LCP1: variants seen among roughly 807,000 people sequenced by gnomAD.
The protein encoded by LCP1 is lymphocyte cytosolic protein 1, also known as plastin-2.
LCP1 carries 23 observed loss-of-function variants against 72.0 expected under a neutral mutation model. The observed-to-expected ratio is 0.32, with a 90% CI of 0.23 to 0.45. LCP1 has a LOEUF of 0.45. Ranked by LOEUF, LCP1 falls within the 20% of genes least tolerant of loss-of-function variation. LCP1 has a pLI of 1.00. For synonymous variants in LCP1, 245 were observed against 275.4 expected (o/e 0.89, Z 1.09); for missense variants, 571 against 748.3 (o/e 0.76, Z 2.76).
intron 13 of LCP1, among the ~76,000 whole-genome samples, chr13:46,136,364 C>A (rs1314882936): frequency 6.6e-6 from 1 of 152,128 alleles, no homozygotes; most frequent in Non-Finnish European, 1.5e-5. Context: ...CATTGGTATC[C>A]ACCGTGTGCC....
intron 6 of LCP1, among the ~76,000 whole-genome samples, 156 bp downstream of exon 6, chr13:46,154,649 A>G (rs777593976): frequency 6.6e-6 from 1 of 152,180 alleles, no homozygotes; most frequent in Non-Finnish European, 1.5e-5. Context: ...GCTGCTCAGA[A>G]ATGTATCCCT....
chr13:46,180,172 C>A (rs768310776), intron 1 of LCP1, among the ~76,000 whole-genome samples: 13 of 152,174 alleles, frequency 8.5e-5, no homozygotes, highest in Non-Finnish European at 1.0e-4. Flanking sequence ...TACTGCCCCC[C>A]ACCCCAACTG....
chr13:46,147,635 G>A (rs973954621), intron 9 of LCP1, among the ~76,000 whole-genome samples: 3 of 152,096 alleles, frequency 2.0e-5, no homozygotes, highest in African/African-American at 7.2e-5. Flanking sequence ...GTTAACCTAT[G>A]TATTATTATT....
chr13:46,176,902 T>TGTGA (rs35450261), intron 1 of LCP1, among the ~76,000 whole-genome samples: 2,120 of 150,850 alleles, frequency 0.014, 41 homozygotes, highest in East Asian at 0.063. Context: ...TGTGTGTGTG[T>TGTGA]GAGAGAGCGA....
At chr13:46,162,600 T>C (rs924939202) in intron 1 of LCP1, among the ~76,000 whole-genome samples, 2 of 152,216 alleles carry the variant, frequency 1.3e-5, no homozygotes, top group African/African-American at 2.4e-5. Flanking sequence ...GTTCACTCAG[T>C]GCTCAATGTT....
intron 14 of LCP1, among the ~76,000 whole-genome samples, chr13:46,132,487 T>C (rs1020902907): frequency 3.3e-5 from 5 of 152,158 alleles, no homozygotes; most frequent in African/African-American, 1.2e-4. Context: ...TCCTCACCTA[T>C]AAAATGAGGA....
chr13:46,138,352 A>G (rs1006059550), intron 13 of LCP1, among the ~76,000 whole-genome samples: 1 of 152,206 alleles, frequency 6.6e-6, no homozygotes, highest in Non-Finnish European at 1.5e-5. Context: ...GCATGCAGGG[A>G]AAAAAATCCC....
intron 1 of LCP1, among the ~76,000 whole-genome samples, chr13:46,174,850 A>G (rs2045921181): frequency 6.6e-6 from 1 of 151,726 alleles, no homozygotes; most frequent in Non-Finnish European, 1.5e-5. Context: ...AAAAAAAAAA[A>G]AGAAAAAAGA....
intron 15 of LCP1, among the ~76,000 whole-genome samples, chr13:46,130,469 C>T (rs1298116611): frequency 6.6e-6 from 1 of 152,210 alleles, no homozygotes; most frequent in Admixed American, 6.5e-5. Context: ...TGCTGTGGAA[C>T]CCTACCCCTG....
At chr13:46,163,122 C>A (rs1445584035) in intron 1 of LCP1, among the ~76,000 whole-genome samples, 2 of 152,224 alleles carry the variant, frequency 1.3e-5, no homozygotes, top group Non-Finnish European at 2.9e-5. Flanking sequence ...CGGCCGCCAC[C>A]CCGTCTGGGA....
chr13:46,153,444 T>A (rs1165818499), intron 6 of LCP1, among the ~76,000 whole-genome samples: 1 of 152,158 alleles, frequency 6.6e-6, no homozygotes, highest in Non-Finnish European at 1.5e-5. Flanking sequence ...CTCATGCCCA[T>A]AATCCCGGCA....
intron 8 of LCP1, among the ~76,000 whole-genome samples, chr13:46,150,268 C>G (rs1186156668): frequency 6.6e-6 from 1 of 152,226 alleles, no homozygotes. Flanking sequence ...CTTTCTGCTC[C>G]TTAACCACTT....
intron 1 of LCP1, among the ~76,000 whole-genome samples, chr13:46,162,882 G>A (rs1299172115): frequency 3.3e-5 from 5 of 150,470 alleles, no homozygotes; most frequent in African/African-American, 7.5e-5. Context: ...TGCCCCGTCT[G>A]AGAAGTGAGG....
chr13:46,167,058 T>C lies in LCP1; in HGVS notation c.-24-7372A>G, dbSNP rs185688738. Among the ~76,000 whole-genome samples the C allele has an allele frequency of 2.4e-4, 36 of 152,334 alleles. 1 individual carries two copies. The highest frequency in any genetic ancestry group is 8.4e-4 in the African/African-American group (35 of 41,570). On this transcript the variant is annotated intron_variant, in intron 1 of 15. Transcript: ENST00000323076. The stretch of plus-strand genomic sequence containing the variant: ...AGAATCTCCTCCAGATTGTCCTTTT[T>C]CTCCCTGCAGATACATGGATTCTCT...
intron 1 of LCP1, among the ~76,000 whole-genome samples, chr13:46,176,878 T>C (rs1181665614): frequency 3.9e-5 from 3 of 76,008 alleles, no homozygotes; most frequent in Non-Finnish European, 9.1e-5. Context: ...TGTTTATTTG[T>C]GTGTGTGTGT....
Position 46,126,869 on chromosome 13 carries a change from G to A in LCP1, c.*722C>T. On this transcript the variant is annotated 3_prime_UTR_variant, in exon 16 of 16. Coordinates refer to ENST00000323076, the MANE Select transcript of LCP1 (RefSeq NM_002298.5). ...AGCCCAAATTCTAGAGTTAAAAGCA[G>A]AGGGGTTCTTAGTGGCTGAAAAAAA... 4.3e-6 allele frequency: 1 copy of A among 230,960 alleles called. No individual in the cohort carries two copies. The highest frequency in any genetic ancestry group is 1.8e-4 in the South Asian group (1 of 5,508). The allele number at this position is 230,960 out of a possible 1,614,324, so 14.3% of individuals were successfully genotyped here.
At chr13:46,159,192 G>A (rs561346480) in intron 2 of LCP1, 2 of 570,644 alleles carry the variant, frequency 3.5e-6, no homozygotes, top group Admixed American at 3.1e-5. Context: ...AACATCCACA[G>A]TAAAAGAGTC....
chr13:46,172,353 G>A (rs1443300554), intron 1 of LCP1, among the ~76,000 whole-genome samples: 1 of 152,036 alleles, frequency 6.6e-6, no homozygotes, highest in Non-Finnish European at 1.5e-5. Flanking sequence ...GCATGGTGAT[G>A]GGTGCCTGTA....
At chr13:46,135,739 CTGTCT>C (rs1173266823) in intron 13 of LCP1, among the ~76,000 whole-genome samples, 1 of 129,742 alleles carries the variant, frequency 7.7e-6, no homozygotes, top group Non-Finnish European at 1.6e-5. Flanking sequence ...CAGTTCTGGT[CTGTCT>C]TTTTTTTTTT....
Sources: allele counts gnomAD v4.1 joint callset (sites outside exome capture counted in the v4.1 genomes callset), GRCh38; gene constraint gnomAD v4.1.1; transcripts MANE v1.5; gene names NCBI Gene and HGNC (gene_info 2026-07-23, HGNC 2026-07-21).